Variants in CEP192 observed in about 807,000 individuals in gnomAD.
CEP192 encodes the protein centrosomal protein 192, also known as centrosomal protein of 192 kDa.
In CEP192, 151 loss-of-function variants were observed where a neutral mutation model predicts 271.8. The observed-to-expected ratio is 0.56, with a 90% CI of 0.49 to 0.64. The LOEUF is 0.64. Ranked by LOEUF, CEP192 falls within the 30% of genes least tolerant of loss-of-function variation. CEP192 has a pLI of 0.00. For synonymous variants in CEP192, 995 were observed against 1,076.5 expected, an observed-to-expected ratio of 0.92 and a Z score of 1.48; for missense variants, 2,910 against 3,020.5, an observed-to-expected ratio of 0.96 and a Z score of 0.86.
At chr18:13,025,395 T>C (rs1346088782) in intron 9 of CEP192, among the ~76,000 whole-genome samples, 6 of 152,152 alleles carry the variant, frequency 3.9e-5, no homozygotes, top group Non-Finnish European at 7.4e-5. Context: ...TTTTAAATTC[T>C]TTGTAGAGCT....
At chr18:13,097,792 C>A (rs1032313150) in intron 36 of CEP192, among the ~76,000 whole-genome samples, 2 of 151,238 alleles carry the variant, frequency 1.3e-5, no homozygotes, top group African/African-American at 4.9e-5. Context: ...GACCCTGAGG[C>A]CTTCCGCAGT....
At chr18:13,063,149 T>C (rs1240535691) in intron 21 of CEP192, among the ~76,000 whole-genome samples, 1 of 152,236 alleles carries the variant, frequency 6.6e-6, no homozygotes, top group Non-Finnish European at 1.5e-5. Flanking sequence ...TTAGGTTGCT[T>C]CCAAATCTTA....
intron 36 of CEP192, 119 bp downstream of exon 36, chr18:13,096,426 T>C: frequency 7.5e-7 from 1 of 1,337,294 alleles, no homozygotes. Flanking sequence ...GTGCTGACTC[T>C]GCACAAAGCA....
chr18:13,101,093 C>T (rs1427243142), intron 38 of CEP192, among the ~76,000 whole-genome samples: 1 of 152,166 alleles, frequency 6.6e-6, no homozygotes, highest in African/African-American at 2.4e-5. Context: ...CCCTGGGTAG[C>T]GAGCGACACA....
chr18:13,056,186 T>G lies in CEP192; in HGVS notation c.3596T>G (p.Ile1199Arg). 1.2e-6 allele frequency: 2 copies of G among 1,614,040 alleles called. No homozygotes were observed. Among genetic ancestry groups the G allele is most frequent in the Non-Finnish European group, 1.7e-6 (2 of 1,179,962 alleles). ...GAGCCTATAGATGAAGATCAAAGAA[T>G]AAGTCCTAAAGATAAGTCAACTGCT... is the stretch of plus-strand genomic sequence containing the variant. Reference protein sequence around the residue: ...CQEPIDEDQRISPKDKSTAGR... With the variant: ...CQEPIDEDQRRSPKDKSTAGR... The change falls in exon 19 of 45, where the codon ATA (isoleucine) becomes AGA (arginine). Residue 1199 changes from isoleucine to arginine, a missense_variant. By Grantham distance (97) the Ile-to-Arg change is moderately conservative. Coordinates refer to ENST00000506447, the MANE Select transcript of CEP192 (RefSeq NM_032142.4).
At chr18:13,079,448 T>C (rs970484496) in intron 30 of CEP192, among the ~76,000 whole-genome samples, 5 of 152,358 alleles carry the variant, frequency 3.3e-5, no homozygotes, top group Non-Finnish European at 7.3e-5. Flanking sequence ...TTGAGAAGTG[T>C]CTGTTCATAT....
At chr18:13,000,714 G>A (rs955613259) in intron 2 of CEP192, among the ~76,000 whole-genome samples, 20 of 152,350 alleles carry the variant, frequency 1.3e-4, no homozygotes, top group African/African-American at 4.3e-4. Flanking sequence ...CAGCACTTTG[G>A]GAGGCCAAGG....
At chr18:13,075,835 C>T (rs927336997) in intron 30 of CEP192, among the ~76,000 whole-genome samples, 2 of 152,240 alleles carry the variant, frequency 1.3e-5, no homozygotes, top group Non-Finnish European at 2.9e-5. Context: ...ATCTTACTTG[C>T]TGGTCAGTGG....
intron 35 of CEP192, 67 bp from the exon 36 acceptor site, chr18:13,096,117 G>A: frequency 6.6e-7 from 1 of 1,525,666 alleles, no homozygotes; most frequent in East Asian, 2.3e-5. Context: ...TGGTTTATTA[G>A]TTGTTAATAT....
At chr18:13,007,689 G>T (rs910318839) in intron 3 of CEP192, among the ~76,000 whole-genome samples, 2 of 152,124 alleles carry the variant, frequency 1.3e-5, no homozygotes, top group Admixed American at 1.3e-4. Context: ...ATGTACTACA[G>T]CCCCAGTAAA....
intron 38 of CEP192, among the ~76,000 whole-genome samples, chr18:13,101,585 G>A (rs1449205555): frequency 6.6e-6 from 1 of 152,122 alleles, no homozygotes; most frequent in African/African-American, 2.4e-5. Flanking sequence ...CGGGGGACCT[G>A]TTAGAGAGGA....
At position 13,003,391 on chromosome 18, in the gene CEP192, A is replaced by G. The variant is rs185729002; in HGVS notation, c.290+1809A>G. ...TTGAACCTGGGAGGTGGAGGTTGCA[A>G]TGAGCCGAGATCACGCCACTGCACT... On this transcript the variant is annotated intron_variant, in intron 3 of 44. Coordinates refer to ENST00000506447, the MANE Select transcript of CEP192 (RefSeq NM_032142.4). Among the ~76,000 whole-genome samples, 431 of 150,258 alleles carry G rather than the reference A, an allele frequency of 2.9e-3. 6 individuals carry two copies. In the East Asian group the frequency reaches 0.035, roughly 12 times the overall value.
chr18:13,106,442 A>G (rs532652266), intron 40 of CEP192, among the ~76,000 whole-genome samples: 5 of 129,958 alleles, frequency 3.8e-5, no homozygotes, highest in East Asian at 5.9e-4. Flanking sequence ...ACAACCCTCA[A>G]TTACAACCAC....
At chr18:13,113,233 A>G (rs1222750126) in intron 40 of CEP192, among the ~76,000 whole-genome samples, 1 of 152,238 alleles carries the variant, frequency 6.6e-6, no homozygotes, top group Non-Finnish European at 1.5e-5. Flanking sequence ...AGAGGGTTCC[A>G]TAAGCACACA....
chr18:13,093,288 A>G (rs2039238403), intron 34 of CEP192, among the ~76,000 whole-genome samples: 2 of 152,244 alleles, frequency 1.3e-5, no homozygotes, highest in South Asian at 4.1e-4. Flanking sequence ...GTTTGTTCCA[A>G]TAATGTCCTT....
In CEP192 at chr18:13,116,393, G is replaced by C. The variant is rs781354742; in HGVS notation, c.7306G>C (p.Ala2436Pro). The C allele has an allele frequency of 6.2e-7, 1 of 1,612,112 alleles. No individual in the cohort carries two copies. Among genetic ancestry groups the C allele is most frequent in the South Asian group, 1.1e-5 (1 of 90,294 alleles). ...CCAAAGCAGGCAGCTTGATGTGACT[G>C]CTCGTGGAGTTTATGCCCCAGAGGA... ...ARIPEQLDVT[A>P]RGVYAPEDVY... is the part of the protein sequence containing the mutation. Residue 2436 changes from alanine (A) to proline (P), a missense_variant, in exon 43 of 45, where the codon GCT (alanine) becomes CCT (proline). Ala to Pro is a conservative substitution (Grantham distance 27). Transcript: ENST00000506447.
rs139324356 is a variant in CEP192, at chr18:13,071,099, A to G, written c.5235A>G (p.Glu1745=). The G allele has an allele frequency of 1.2e-6, 2 of 1,614,002 alleles. No individual in the cohort carries two copies. The highest frequency in any genetic ancestry group is 2.2e-5 in the South Asian group (2 of 91,082). Residue 1745 remains glutamate (E), a synonymous_variant, in exon 28 of 45, where the codon GAA becomes GAG. Coordinates refer to ENST00000506447, the MANE Select transcript of CEP192 (RefSeq NM_032142.4). ...GPQYEVVLKG[E]VISSGSKPLS... ...AGTATGAGGTAGTGTTAAAAGGCGA[A>G]GTCATTTCTTCAGGAAGTAAACCTC...
chr18:13,088,524 A>C (rs926920937), intron 32 of CEP192, among the ~76,000 whole-genome samples: 3 of 152,250 alleles, frequency 2.0e-5, no homozygotes, highest in Non-Finnish European at 4.4e-5. Context: ...TGTTGATTTA[A>C]GTTTAGGCGT....
At position 13,096,254 on chromosome 18, in the gene CEP192, C is replaced by G; in HGVS notation, c.6504C>G (p.Cys2168Trp). ...NSVRLLRFEL[C>W]WPAHCLTVTP... ...TGAGGTTACTGAGATTTGAGCTGTGCTGGCCAGCGCATTGCCTCACAGTCA... is the reference window on the plus strand; with the variant it reads ...TGAGGTTACTGAGATTTGAGCTGTGGTGGCCAGCGCATTGCCTCACAGTCA... Residue 2168 changes from cysteine (C) to tryptophan (W), a missense_variant, in exon 36 of 45, where the codon TGC becomes TGG. Cys to Trp is a radical substitution (Grantham distance 215, BLOSUM62 -2). Transcript: ENST00000506447. 2.5e-6 allele frequency: 4 copies of G among 1,614,166 alleles called. No individual in the cohort carries two copies. Among genetic ancestry groups the G allele is most frequent in the Non-Finnish European group, 3.4e-6 (4 of 1,179,972 alleles).
Sources: gnomAD v4.1 joint callset for allele counts (sites outside exome capture counted in the v4.1 genomes callset) on GRCh38, gnomAD v4.1.1 for gene constraint, MANE v1.5 for transcripts, NCBI Gene and HGNC (gene_info 2026-07-23, HGNC 2026-07-21) for gene names.